Variants in PRMT8 observed in about 807,000 individuals in gnomAD.
The protein encoded by PRMT8 is protein arginine methyltransferase 8.
Under a neutral mutation model 47.1 loss-of-function variants are expected in PRMT8, and 7 were observed. That is an observed-to-expected ratio of 0.15 (90% CI 0.08 to 0.28). The LOEUF is 0.28. Among genes scored for constraint, PRMT8 ranks in the 10% least tolerant of loss-of-function variants. The pLI, the probability that PRMT8 is intolerant of heterozygous loss-of-function variation, is 1.00. For synonymous variants in PRMT8, 188 were observed against 186.5 expected, an observed-to-expected ratio of 1.01 and a Z score of -0.07; for missense variants, 237 against 505.4, an observed-to-expected ratio of 0.47 and a Z score of 5.09.
chr12:3,499,197 T>C (rs1352409995), intron 1 of PRMT8, among the ~76,000 whole-genome samples: 64 of 147,452 alleles, frequency 4.3e-4, no homozygotes, highest in African/African-American at 1.5e-3. Flanking sequence ...TCCTTTCTTT[T>C]TTTTTTTTTT....
intron 2 of PRMT8, among the ~76,000 whole-genome samples, chr12:3,543,254 TC>T (rs1485577529): frequency 6.6e-6 from 1 of 152,206 alleles, no homozygotes; most frequent in Non-Finnish European, 1.5e-5. Context: ...CCCCGAGGTC[TC>T]CTTTTACCCT....
At chr12:3,400,975 C>T (rs146057934) in intron 1 of PRMT8, among the ~76,000 whole-genome samples, 2,773 of 151,912 alleles carry the variant, frequency 0.018, 46 homozygotes, top group Middle Eastern at 0.058. Context: ...GAAACCCTGT[C>T]TCTACTAAAA....
At chr12:3,482,822 G>A (rs1865287461) in intron 1 of PRMT8, among the ~76,000 whole-genome samples, 1 of 152,158 alleles carries the variant, frequency 6.6e-6, no homozygotes, top group African/African-American at 2.4e-5. Context: ...TTTTGGGTGA[G>A]GCAATTTACA....
At chr12:3,481,635 G>A (rs529488013) in intron 1 of PRMT8, among the ~76,000 whole-genome samples, 1 of 152,282 alleles carries the variant, frequency 6.6e-6, no homozygotes, top group South Asian at 2.1e-4. Flanking sequence ...GCAACCTCGA[G>A]GTTATGGAGT....
At chr12:3,461,686 GC>G (rs1865043445) in intron 1 of PRMT8, among the ~76,000 whole-genome samples, 69 of 152,226 alleles carry the variant, frequency 4.5e-4, no homozygotes, top group African/African-American at 1.5e-3. Context: ...AGGAGTCCAA[GC>G]TTCAGACAGA....
At chr12:3,428,252 T>TC (rs1411971211) in intron 1 of PRMT8, among the ~76,000 whole-genome samples, 7 of 151,746 alleles carry the variant, frequency 4.6e-5, no homozygotes, top group African/African-American at 1.5e-4. Flanking sequence ...TTTCTTTCTT[T>TC]TTTTTTTTTA....
chr12:3,488,463 G>A (rs2137106782), upstream of PRMT8, among the ~76,000 whole-genome samples: 1 of 152,236 alleles, frequency 6.6e-6, no homozygotes, highest in East Asian at 1.9e-4. Context: ...TCACACACTA[G>A]TGAACTCTCT....
At position 3,564,272 on chromosome 12, in the gene PRMT8, G is replaced by T. The variant is rs1271300879; in HGVS notation, c.482-4434G>T. On this transcript the variant is annotated intron_variant, in intron 4 of 9. Transcript: ENST00000382622. This position sits in a 1 kb window ranked among gnomAD's most constrained non-coding sequence, Gnocchi z 4.0. ...TGACCCTCATGCCTCCTCTTGTGTG[G>T]CACAGGACCTGCTCTCTGAAAGAGT... 6.6e-6 allele frequency among the ~76,000 whole-genome samples: 1 copy of T among 152,088 alleles called. No individual in the cohort carries two copies. Among genetic ancestry groups the T allele is most frequent in the Non-Finnish European group, 1.5e-5 (1 of 68,012 alleles).
rs1193063787 is a variant in PRMT8 at position 3,550,219 on chromosome 12, G to A, written c.417+128G>A. 1 of 1,179,674 alleles carries A rather than the reference G, an allele frequency of 8.5e-7. No individual in the cohort carries two copies. Among genetic ancestry groups the A allele is most frequent in the Admixed American group, 2.3e-5 (1 of 43,694 alleles). The allele number at this position is 1,179,674 out of a possible 1,614,324, so 73.1% of individuals were successfully genotyped here. The stretch of plus-strand genomic sequence containing the variant: ...TTTGCTGGGGTCACACCTTCGAGGA[G>A]TAGAAGAAATCAGGTGTGACTCTCA... On this transcript the variant is annotated intron_variant, in intron 3 of 9. Transcript: ENST00000382622. The surrounding 1 kb of genome is among the most constrained non-coding windows in gnomAD (Gnocchi z 5.1).
chr12:3,393,211 A>G (rs199889921), intron 1 of PRMT8, among the ~76,000 whole-genome samples: 60 of 145,350 alleles, frequency 4.1e-4, no homozygotes, highest in South Asian at 1.5e-3. Flanking sequence ...GAAGCTCTTT[A>G]GTTTAATTAG....
intron 1 of PRMT8, among the ~76,000 whole-genome samples, chr12:3,387,084 C>T (rs114677011): frequency 0.029 from 4,390 of 152,242 alleles, 227 homozygotes; most frequent in African/African-American, 0.1. Flanking sequence ...AATGTTATTG[C>T]TCTTTTTGCA....
At chr12:3,533,198 AG>A (rs1866060983) in intron 1 of PRMT8, among the ~76,000 whole-genome samples, 1 of 152,188 alleles carries the variant, frequency 6.6e-6, no homozygotes, top group African/African-American at 2.4e-5. Context: ...GGCCTGGAAA[AG>A]GCAGATCTGG....
chr12:3,414,782 C>G (rs1016343754), intron 1 of PRMT8, among the ~76,000 whole-genome samples: 3 of 151,898 alleles, frequency 2.0e-5, no homozygotes, highest in Admixed American at 6.5e-5. Flanking sequence ...CTGCACCATC[C>G]GAAGTTAGGT....
intron 1 of PRMT8, among the ~76,000 whole-genome samples, chr12:3,481,962 G>T (rs75261698): frequency 0.1 from 15,926 of 152,238 alleles, 906 homozygotes; most frequent in African/African-American, 0.14. Context: ...GCCAAAGTCT[G>T]TCTGCAAAAG....
At chr12:3,445,216 A>C (rs978615443) in intron 1 of PRMT8, among the ~76,000 whole-genome samples, 1 of 152,172 alleles carries the variant, frequency 6.6e-6, no homozygotes, top group African/African-American at 2.4e-5. Context: ...CAAAACTAGC[A>C]TGTAGAGAGG....
At position 3,492,676 on chromosome 12, in the gene PRMT8, C is replaced by T. The variant is rs1019633600; in HGVS notation, c.75+976C>T. Among the ~76,000 whole-genome samples the T allele has an allele frequency of 3.4e-4, 52 of 152,286 alleles. No homozygotes were observed. The highest frequency in any genetic ancestry group is 2.1e-4 in the Non-Finnish European group (14 of 68,014). On this transcript the variant is annotated intron_variant, in intron 1 of 9. Coordinates refer to ENST00000382622, the MANE Select transcript of PRMT8 (RefSeq NM_019854.5). This position sits in a 1 kb window ranked among gnomAD's most constrained non-coding sequence, Gnocchi z 7.5. Reference sequence around the variant, plus strand: ...TGTCATTACAACAACCGGACTATTCCGTAGGCTCTGGGCACCTGTAGTCAC... The same window carrying T: ...TGTCATTACAACAACCGGACTATTCTGTAGGCTCTGGGCACCTGTAGTCAC...
chr12:3,496,214 A>ATT lies in PRMT8; in HGVS notation c.75+4539_75+4540dup, dbSNP rs1555085718. On this transcript the variant is annotated intron_variant, in intron 1 of 9. Transcript: ENST00000382622. ...TTTGGAAACTGATATATATATATATATTTTTTTTTTTTTTTTTTTTTTTTT... is the reference window on the plus strand; with the variant it reads ...TTTGGAAACTGATATATATATATATATTTTTTTTTTTTTTTTTTTTTTTTTTT... Among the ~76,000 whole-genome samples, 40 of 27,770 alleles carry ATT rather than the reference A, an allele frequency of 1.4e-3. 3 individuals carry two copies. The highest frequency in any genetic ancestry group is 0.01 in the East Asian group (6 of 576). The allele number at this position is 27,770 out of a possible 152,430, so 18.2% of individuals were successfully genotyped here.
At chr12:3,522,856 G>C (rs1028561915) in intron 1 of PRMT8, among the ~76,000 whole-genome samples, 11 of 151,956 alleles carry the variant, frequency 7.2e-5, no homozygotes, top group African/African-American at 2.7e-4. Context: ...AATGGGAAGT[G>C]TATAAATCAC....
rs1227150362 is a variant in PRMT8 at position 3,422,975 on chromosome 12, A to G, written c.48+41533A>G. On this transcript the variant is annotated intron_variant, in intron 1 of 9. Coordinates refer to the PRMT8 transcript ENST00000452611. ...CTGAAGCATTTTGGTGAACTAAGGT[A>G]GCGATGAAGCTTTTTGTTATTTGAA... 3.9e-5 allele frequency among the ~76,000 whole-genome samples: 6 copies of G among 152,356 alleles called. No homozygotes were observed. The East Asian group carries it at 1.2e-3, about 29-fold the overall frequency.
Sources: gnomAD v4.1 joint callset for allele counts (sites outside exome capture counted in the v4.1 genomes callset) on GRCh38, gnomAD v4.1.1 for gene constraint, Gnocchi (gnomAD v3.1) non-coding constraint, MANE v1.5 for transcripts, NCBI Gene and HGNC (gene_info 2026-07-23, HGNC 2026-07-21) for gene names.